The following GLIS3 variants were observed in gnomAD, a reference collection of about 807,000 sequenced individuals.
The protein encoded by GLIS3 is zinc finger protein GLIS3.
A neutral mutation model predicts 78.6 loss-of-function variants in GLIS3; 53 were observed. The ratio of observed to expected loss-of-function variants is 0.67; its 90% CI spans 0.54 to 0.85. GLIS3 has a LOEUF of 0.85. Ranked by LOEUF, GLIS3 falls within the 40% of genes least tolerant of loss-of-function variation. The pLI, the probability that GLIS3 is intolerant of heterozygous loss-of-function variation, is 0.00. For synonymous variants in GLIS3, 684 were observed against 509.9 expected, an observed-to-expected ratio of 1.34 and a Z score of -4.60; for missense variants, 1,703 against 1,231.1, an observed-to-expected ratio of 1.38 and a Z score of -5.74.
chr9:4,319,976 G>C (rs1383438116), intron 2 of GLIS3, among the ~76,000 whole-genome samples: 1 of 147,906 alleles, frequency 6.8e-6, no homozygotes, highest in Non-Finnish European at 1.5e-5. Flanking sequence ...TAGGTTAGTA[G>C]AGGGGGTTGT....
At chr9:4,332,495 C>T (rs1817700681) in intron 2 of GLIS3, among the ~76,000 whole-genome samples, 1 of 152,196 alleles carries the variant, frequency 6.6e-6, no homozygotes, top group Non-Finnish European at 1.5e-5. Context: ...TTACTTTTGT[C>T]TTCCTCTCTC....
At chr9:4,300,602 A>G (rs142803802), upstream of GLIS3, among the ~76,000 whole-genome samples, 20 of 152,170 alleles carry the variant, frequency 1.3e-4, no homozygotes, top group Non-Finnish European at 2.5e-4. Flanking sequence ...GAAGGGTATA[A>G]AATTCTGAAC....
intron 6 of GLIS3, among the ~76,000 whole-genome samples, chr9:3,910,436 A>G (rs1824055249): frequency 6.6e-6 from 1 of 152,168 alleles, no homozygotes; most frequent in Admixed American, 6.6e-5. Context: ...TGCAGCCTCA[A>G]TTTCCTGGGT....
intron 2 of GLIS3, among the ~76,000 whole-genome samples, chr9:4,209,492 G>T (rs1240543537): frequency 6.6e-6 from 1 of 152,186 alleles, no homozygotes; most frequent in Non-Finnish European, 1.5e-5. Context: ...TTCTCAAGAT[G>T]GACTTCCTTT....
the GLIS3 span, among the ~76,000 whole-genome samples, chr9:4,438,054 C>G: frequency 6.6e-6 from 1 of 152,116 alleles, no homozygotes; most frequent in Admixed American, 6.6e-5. Flanking sequence ...CTCTAACTTC[C>G]TATGTTTTTC....
the GLIS3 span, among the ~76,000 whole-genome samples, chr9:4,356,737 A>G: frequency 6.6e-6 from 1 of 152,244 alleles, no homozygotes; most frequent in Non-Finnish European, 1.5e-5. Flanking sequence ...AAGATCATCA[A>G]CAATGAATTT....
chr9:4,295,387 T>C (rs758306067), intron 1 of GLIS3, among the ~76,000 whole-genome samples: 26 of 152,222 alleles, frequency 1.7e-4, no homozygotes, highest in Non-Finnish European at 1.0e-4. Context: ...GTGTTTTTCC[T>C]TAATTCTATC....
At chr9:4,382,373 C>G in the GLIS3 span, among the ~76,000 whole-genome samples, 4 of 151,980 alleles carry the variant, frequency 2.6e-5, no homozygotes, top group African/African-American at 9.7e-5. Flanking sequence ...ATGCCTTTCC[C>G]CCATCCTGGA....
At chr9:3,856,575 A>C (rs192544468) in intron 8 of GLIS3, among the ~76,000 whole-genome samples, 63 of 152,340 alleles carry the variant, frequency 4.1e-4, no homozygotes, top group Non-Finnish European at 8.7e-4. Flanking sequence ...TATGTTTCTG[A>C]ATCATTTACA....
intron 6 of GLIS3, among the ~76,000 whole-genome samples, chr9:3,905,447 G>A (rs1309389149): frequency 6.6e-6 from 1 of 152,058 alleles, no homozygotes; most frequent in Admixed American, 6.5e-5. Flanking sequence ...GGTCTTTGTT[G>A]GAGTAGAGAT....
intron 6 of GLIS3, among the ~76,000 whole-genome samples, chr9:3,901,671 C>T (rs1032452386): frequency 7.2e-5 from 11 of 152,182 alleles, no homozygotes; most frequent in African/African-American, 2.7e-4. Flanking sequence ...GAAAGTGGCA[C>T]AGTGACCCTA....
At chr9:4,000,811 T>C (rs1226028198) in intron 4 of GLIS3, among the ~76,000 whole-genome samples, 2 of 152,224 alleles carry the variant, frequency 1.3e-5, no homozygotes, top group Non-Finnish European at 2.9e-5. Flanking sequence ...CAGCTTCCTC[T>C]GCCAGGCATG....
At chr9:4,127,146 C>G (rs888451533) in intron 2 of GLIS3, among the ~76,000 whole-genome samples, 1 of 152,146 alleles carries the variant, frequency 6.6e-6, no homozygotes, top group African/African-American at 2.4e-5. Flanking sequence ...CTGGGGGAGT[C>G]ACAGCATCAT....
intron 1 of GLIS3, among the ~76,000 whole-genome samples, chr9:4,347,752 G>C (rs1001125992): frequency 6.6e-6 from 1 of 152,016 alleles, no homozygotes; most frequent in Admixed American, 6.6e-5. Flanking sequence ...TTTGGTGGGG[G>C]TTGGGGGAGT....
chr9:3,879,547 C>T lies in GLIS3; in HGVS notation c.2177G>A (p.Gly726Glu), dbSNP rs764370927. ...NYSSRSGTAA[G>E]AVPPPHPVSH... ...GACAGGATGTGGGGGTGGTACGGCC[C>T]CAGCAGCTGTTCCACTTCGGCTTGA... is the stretch of plus-strand genomic sequence containing the variant. Residue 726 changes from glycine (G) to glutamate (E), a missense_variant, in exon 8 of 11, where the codon GGG becomes GAG. Gly to Glu is a moderately conservative substitution (Grantham distance 98). Transcript: ENST00000381971. The T allele has an allele frequency of 1.2e-6, 2 of 1,614,040 alleles. No individual in the cohort carries two copies. The highest frequency in any genetic ancestry group is 1.7e-6 in the Non-Finnish European group (2 of 1,179,998).
At chr9:4,355,590 G>C in the GLIS3 span, among the ~76,000 whole-genome samples, 3 of 152,178 alleles carry the variant, frequency 2.0e-5, no homozygotes, top group African/African-American at 7.2e-5. Context: ...TCTCAGAAAA[G>C]AGGGGAAGGA....
chr9:3,927,108 G>A (rs789006), intron 6 of GLIS3, among the ~76,000 whole-genome samples: 60,454 of 152,002 alleles, frequency 0.4, 12,971 homozygotes, highest in Middle Eastern at 0.54. Flanking sequence ...TACTGTTGTT[G>A]GACTTTCATG....
At chr9:4,022,894 G>A (rs553738782) in intron 4 of GLIS3, among the ~76,000 whole-genome samples, 6 of 152,094 alleles carry the variant, frequency 3.9e-5, no homozygotes, top group Non-Finnish European at 7.4e-5. Flanking sequence ...CCAGATCAGC[G>A]GCTGTCTGGG....
At chr9:4,019,594 T>A (rs77184951) in intron 4 of GLIS3, among the ~76,000 whole-genome samples, 1 of 152,028 alleles carries the variant, frequency 6.6e-6, no homozygotes, top group Admixed American at 6.6e-5. Flanking sequence ...GCAGGAGACA[T>A]AGTAAATAAG....
Sources: gnomAD v4.1 joint callset for allele counts (sites outside exome capture counted in the v4.1 genomes callset) on GRCh38, gnomAD v4.1.1 for gene constraint, MANE v1.5 for transcripts, NCBI Gene and HGNC (gene_info 2026-07-23, HGNC 2026-07-21) for gene names.